Variants in CTNNA2 observed in about 807,000 individuals in gnomAD.
CTNNA2 encodes catenin alpha 2, also known as catenin alpha-2.
CTNNA2 carries 42 observed loss-of-function variants against 101.0 expected under a neutral mutation model. That is an observed-to-expected ratio of 0.42 (90% confidence interval 0.32 to 0.54). The LOEUF is 0.54. Among genes scored for constraint, CTNNA2 ranks in the 20% least tolerant of loss-of-function variants. The probability of loss-of-function intolerance (pLI) is 0.14; values close to 1 mark genes in which losing one functional copy is unlikely to be tolerated. For missense variants in CTNNA2, 871 were observed against 1,223.1 expected, an observed-to-expected ratio of 0.71 and a Z score of 4.29; for synonymous variants, 450 against 456.4, an observed-to-expected ratio of 0.99 and a Z score of 0.18.
chr2:79,483,578 C>T (rs986227785), intron 4 of CTNNA2, among the ~76,000 whole-genome samples: 4 of 152,284 alleles, frequency 2.6e-5, no homozygotes, highest in Admixed American at 6.5e-5. Flanking sequence ...CACATTTACC[C>T]GGAGTCTCCA....
intron 7 of CTNNA2, among the ~76,000 whole-genome samples, chr2:80,072,195 C>G (rs1698393044): frequency 6.6e-6 from 1 of 152,194 alleles, no homozygotes; most frequent in Admixed American, 6.5e-5. Context: ...GTCTACTTTT[C>G]TCGCCTCCAG....
Position 79,536,069 on chromosome 2 carries a change from G to T in CTNNA2, c.-6+22862G>T, listed in dbSNP as rs1367944453. On this transcript the variant is annotated intron_variant, in intron 1 of 18. Coordinates refer to ENST00000402739, the MANE Select transcript of CTNNA2 (RefSeq NM_001282597.3). The stretch of plus-strand genomic sequence containing the variant: ...ACAGATAATTTTCAGAGGGGTCACA[G>T]CAGGGAAGAAGATTCGGTCAAGGTA... Among the ~76,000 whole-genome samples, 5 of 152,322 alleles carry T rather than the reference G, an allele frequency of 3.3e-5. No individual in the cohort carries two copies. In the East Asian group the frequency reaches 9.6e-4, roughly 29 times the overall value.
chr2:80,208,912 C>G (rs1707708176), intron 7 of CTNNA2, among the ~76,000 whole-genome samples: 1 of 152,154 alleles, frequency 6.6e-6, no homozygotes, highest in African/African-American at 2.4e-5. Context: ...TACTGTGTGA[C>G]TTTTATGGGG....
At chr2:80,025,396 G>A (rs1694869575) in intron 7 of CTNNA2, among the ~76,000 whole-genome samples, 1 of 152,192 alleles carries the variant, frequency 6.6e-6, no homozygotes, top group South Asian at 2.1e-4. Flanking sequence ...AAGGAACATA[G>A]AGGAAGGAAC....
In CTNNA2 at chr2:80,247,133, G is replaced by A. The variant is rs59938635; in HGVS notation, c.1057-146078G>A. 8.9e-3 allele frequency among the ~76,000 whole-genome samples: 1,359 copies of A among 152,234 alleles called. 18 individuals carry two copies. The highest frequency in any genetic ancestry group is 0.031 in the African/African-American group (1,287 of 41,516). ...AAGGGGCACATTGCAAGGGAAGGATGGAGAAAGCTTTAAGATCTTGATGAC... is the reference window on the plus strand; with the variant it reads ...AAGGGGCACATTGCAAGGGAAGGATAGAGAAAGCTTTAAGATCTTGATGAC... On this transcript the variant is annotated intron_variant, in intron 7 of 18. Transcript: ENST00000402739.
chr2:79,385,429 ATATT>A (rs1404818776), intron 4 of CTNNA2, among the ~76,000 whole-genome samples: 6 of 152,216 alleles, frequency 3.9e-5, no homozygotes, highest in Admixed American at 3.3e-4. Context: ...GATTAAATAT[ATATT>A]TAATTCACTG....
chr2:79,810,892 GTA>G (rs1189429170), intron 3 of CTNNA2, among the ~76,000 whole-genome samples: 1 of 151,768 alleles, frequency 6.6e-6, no homozygotes, highest in Non-Finnish European at 1.5e-5. Context: ...ATTCCATGGT[GTA>G]TATATGCCAC....
chr2:79,474,404 A>G (rs425175), intron 4 of CTNNA2, among the ~76,000 whole-genome samples: 100,858 of 152,002 alleles, frequency 0.66, 33,900 homozygotes, highest in African/African-American at 0.77. Context: ...ATGTCTAAAG[A>G]CTGCATATGA....
chr2:80,163,238 A>G, intron 7 of CTNNA2: 1 of 812,588 alleles, frequency 1.2e-6, no homozygotes, highest in Non-Finnish European at 2.0e-6. Flanking sequence ...AGTAGATTAT[A>G]TTGATTGATT....
intron 3 of CTNNA2, among the ~76,000 whole-genome samples, chr2:79,844,983 C>T (rs533602971): frequency 6.6e-6 from 1 of 150,966 alleles, no homozygotes; most frequent in South Asian, 2.1e-4. Flanking sequence ...ACAAACTACA[C>T]ACACACACAC....
At chr2:80,520,032 T>G (rs1447191354) in intron 9 of CTNNA2, among the ~76,000 whole-genome samples, 1 of 152,132 alleles carries the variant, frequency 6.6e-6, no homozygotes, top group East Asian at 1.9e-4. Flanking sequence ...GAAGCCTCTT[T>G]CCTTTCACCC....
rs12052317 is a variant in CTNNA2 at position 80,483,476 on chromosome 2, T to C, written c.1291-61506T>C. On this transcript the variant is annotated intron_variant, in intron 9 of 18. Transcript: ENST00000402739. ...CACTGAATGTGAGATTTTAATTACA[T>C]GATTCAATGTATTTAATTCAACTCA... is the stretch of plus-strand genomic sequence containing the variant. Among the ~76,000 whole-genome samples, 614 of 151,982 alleles carry C rather than the reference T, an allele frequency of 4.0e-3. 14 individuals are homozygous for C. In the East Asian group the frequency reaches 0.076, roughly 19 times the overall value.
At chr2:80,454,908 G>C (rs978423702) in intron 9 of CTNNA2, among the ~76,000 whole-genome samples, 1 of 152,238 alleles carries the variant, frequency 6.6e-6, no homozygotes, top group Non-Finnish European at 1.5e-5. Flanking sequence ...CAGAGCCAAA[G>C]GTCAGAAGGA....
At chr2:80,026,279 T>C (rs1262140979) in intron 7 of CTNNA2, among the ~76,000 whole-genome samples, 1 of 151,948 alleles carries the variant, frequency 6.6e-6, no homozygotes, top group African/African-American at 2.4e-5. Flanking sequence ...AAGAGAAGAA[T>C]GAGATGGGAT....
At position 80,302,448 on chromosome 2, in the gene CTNNA2, T is replaced by A; in HGVS notation, c.1057-90763T>A. 1 of 1,614,204 alleles carries A rather than the reference T, an allele frequency of 6.2e-7. No individual in the cohort carries two copies. Among genetic ancestry groups the A allele is most frequent in the Non-Finnish European group, 8.5e-7 (1 of 1,180,036 alleles). On this transcript the variant is annotated intron_variant, in intron 7 of 18. Coordinates refer to ENST00000402739, the MANE Select transcript of CTNNA2 (RefSeq NM_001282597.3). The surrounding 1 kb of genome is among the most constrained non-coding windows in gnomAD (Gnocchi z 6.4). The stretch of plus-strand genomic sequence containing the variant: ...GTGACAAAGCACTGTCTGAGCTGCC[T>A]GAGGCTGGCTGGGAAACACTTCCAG...
Position 80,479,012 on chromosome 2 carries a change from G to GTT in CTNNA2, c.1290+59420_1290+59421dup, listed in dbSNP as rs140189180. ...TGATTCTTCCAATCCATGAGCATGG[G>GTT]TTTTTTTTTTAATTTTTTTGTGTCA... is the stretch of plus-strand genomic sequence containing the variant. On this transcript the variant is annotated intron_variant, in intron 9 of 18. Transcript: ENST00000402739. 9.4e-3 allele frequency among the ~76,000 whole-genome samples: 1,385 copies of GTT among 148,012 alleles called. 7 individuals are homozygous for GTT. Among genetic ancestry groups the GTT allele is most frequent in the African/African-American group, 0.019 (790 of 40,608 alleles).
chr2:79,565,390 G>A (rs544912600), intron 1 of CTNNA2, among the ~76,000 whole-genome samples: 49 of 152,148 alleles, frequency 3.2e-4, no homozygotes, highest in South Asian at 2.5e-3. Context: ...AACTTCCTGA[G>A]GCCCCACCCC....
At chr2:79,187,460 A>C (rs1244467347) in intron 1 of CTNNA2, among the ~76,000 whole-genome samples, 1 of 151,272 alleles carries the variant, frequency 6.6e-6, no homozygotes, top group Admixed American at 6.6e-5. Context: ...GCTTATTTTT[A>C]AGTTTCTTAA....
intron 1 of CTNNA2, among the ~76,000 whole-genome samples, chr2:79,596,297 C>T (rs111430785): frequency 6.6e-5 from 10 of 152,002 alleles, no homozygotes; most frequent in African/African-American, 2.4e-4. Context: ...TAGTTTGTCT[C>T]ATTGGAGCTC....
Sources: gnomAD v4.1 joint callset for allele counts (sites outside exome capture counted in the v4.1 genomes callset) on GRCh38, gnomAD v4.1.1 for gene constraint, Gnocchi (gnomAD v3.1) non-coding constraint, MANE v1.5 for transcripts, NCBI Gene and HGNC (gene_info 2026-07-23, HGNC 2026-07-21) for gene names.